Variants in ELP4 observed in about 807,000 individuals in gnomAD.
ELP4 encodes elongator complex protein 4.
ELP4 carries 51 observed loss-of-function variants against 48.9 expected under a neutral mutation model. The observed-to-expected ratio is 1.04, with a 90% CI of 0.83 to 1.32. The LOEUF (loss-of-function observed/expected upper bound fraction) is 1.32, where lower values mean the gene tolerates loss of function less well. Ranked by LOEUF, ELP4 falls within the 40% of genes most tolerant of loss-of-function variation. ELP4 has a pLI of 0.00. For missense variants in ELP4, 519 were observed against 514.6 expected (o/e 1.01, Z -0.08); for synonymous variants, 210 against 189.2 (o/e 1.11, Z -0.90).
intron 4 of ELP4, among the ~76,000 whole-genome samples, chr11:31,596,262 G>A (rs1258215784): frequency 1.3e-5 from 2 of 152,114 alleles, no homozygotes; most frequent in African/African-American, 2.4e-5. Flanking sequence ...AAAATTAGCT[G>A]GGCGTGGTGG....
intron 9 of ELP4, among the ~76,000 whole-genome samples, chr11:31,676,038 A>G (rs184449966): frequency 7.2e-5 from 11 of 151,836 alleles, no homozygotes; most frequent in Admixed American, 4.6e-4. Context: ...TTGATTCTTC[A>G]TCTCACTCAG....
intron 9 of ELP4, chr11:31,714,801 ACT>A (rs1946808031): frequency 2.5e-6 from 1 of 398,152 alleles, no homozygotes; most frequent in Non-Finnish European, 4.4e-6. Context: ...TATGTTACCA[ACT>A]CTCTGGTTTT....
At chr11:31,537,234 T>C (rs1956515523) in intron 2 of ELP4, among the ~76,000 whole-genome samples, 1 of 152,214 alleles carries the variant, frequency 6.6e-6, no homozygotes, top group Non-Finnish European at 1.5e-5. Context: ...CGCTTTTTGT[T>C]GTTTAAATAT....
chr11:31,592,693 A>G (rs1163701851), intron 3 of ELP4, among the ~76,000 whole-genome samples: 1 of 151,684 alleles, frequency 6.6e-6, no homozygotes, highest in African/African-American at 2.4e-5. Context: ...TAAACTTGGA[A>G]TCATTATAAT....
At chr11:31,613,104 C>T (rs1958012625) in intron 5 of ELP4, among the ~76,000 whole-genome samples, 2 of 152,096 alleles carry the variant, frequency 1.3e-5, no homozygotes, top group Admixed American at 1.3e-4. Context: ...GTAAAAACTG[C>T]AGCAATGGCT....
intron 9 of ELP4, among the ~76,000 whole-genome samples, chr11:31,768,839 T>G (rs1948087499): frequency 6.6e-6 from 1 of 152,168 alleles, no homozygotes; most frequent in Non-Finnish European, 1.5e-5. Flanking sequence ...GATTTCCTGT[T>G]ATAGAAGCAG....
chr11:31,683,282 G>C (rs755686839), intron 9 of ELP4, among the ~76,000 whole-genome samples: 3 of 152,052 alleles, frequency 2.0e-5, no homozygotes, highest in Non-Finnish European at 4.4e-5. Flanking sequence ...GGTGTCTTGT[G>C]TAAGCTTGAT....
intron 9 of ELP4, among the ~76,000 whole-genome samples, chr11:31,745,410 C>CA (rs1947563269): frequency 6.6e-6 from 1 of 152,080 alleles, no homozygotes; most frequent in Admixed American, 6.5e-5. Context: ...CATGTGGAAC[C>CA]AAAAAAGAGC....
intron 3 of ELP4, among the ~76,000 whole-genome samples, chr11:31,590,158 A>G (rs944807589): frequency 1.3e-5 from 2 of 152,196 alleles, no homozygotes; most frequent in Admixed American, 6.5e-5. Flanking sequence ...AGGCAATAAT[A>G]ATAGTACCTA....
At chr11:31,710,887 G>T (rs1228580193) in intron 9 of ELP4, among the ~76,000 whole-genome samples, 2 of 152,100 alleles carry the variant, frequency 1.3e-5, no homozygotes, top group African/African-American at 4.8e-5. Context: ...ACTAGAACCC[G>T]TGACTTTAGG....
intron 9 of ELP4, among the ~76,000 whole-genome samples, chr11:31,672,832 GA>G (rs1035737729): frequency 6.6e-6 from 1 of 151,894 alleles, no homozygotes; most frequent in African/African-American, 2.4e-5. Context: ...TTTTTAAAAA[GA>G]AAGTCATAAT....
intron 9 of ELP4, among the ~76,000 whole-genome samples, chr11:31,737,580 C>A (rs935830263): frequency 2.2e-4 from 33 of 152,150 alleles, no homozygotes; most frequent in African/African-American, 7.2e-4. Context: ...AACCATATAT[C>A]TGTTAAGGGA....
intron 3 of ELP4, among the ~76,000 whole-genome samples, chr11:31,570,580 C>T (rs1399366856): frequency 6.7e-6 from 1 of 150,350 alleles, no homozygotes; most frequent in African/African-American, 2.5e-5. Flanking sequence ...CGATTCTCCT[C>T]CCTCAGCCTA....
At chr11:31,706,925 A>T in intron 9 of ELP4, 1 of 397,888 alleles carries the variant, frequency 2.5e-6, no homozygotes, top group Non-Finnish European at 4.4e-6. Context: ...ATTCTTTTTT[A>T]TTGCTAAATA....
At chr11:31,741,869 A>G (rs529146762) in intron 9 of ELP4, among the ~76,000 whole-genome samples, 76 of 152,348 alleles carry the variant, frequency 5.0e-4, no homozygotes, top group African/African-American at 1.7e-3. Flanking sequence ...GCAGCTCCTC[A>G]CCAGCAACGG....
chr11:31,574,654 G>C (rs1957242020), intron 3 of ELP4, among the ~76,000 whole-genome samples: 1 of 152,146 alleles, frequency 6.6e-6, no homozygotes, highest in African/African-American at 2.4e-5. Flanking sequence ...GCCTCCACTG[G>C]TGATACTCAG....
At chr11:31,754,982 T>G (rs1206522494) in intron 9 of ELP4, among the ~76,000 whole-genome samples, 1 of 152,126 alleles carries the variant, frequency 6.6e-6, no homozygotes. Flanking sequence ...AACCAGGGCT[T>G]CAGGAAGAAG....
At chr11:31,739,556 CTAGTACTCTTTA>C (rs1947402002) in intron 9 of ELP4, among the ~76,000 whole-genome samples, 1 of 152,020 alleles carries the variant, frequency 6.6e-6, no homozygotes, top group Admixed American at 6.6e-5. Flanking sequence ...AAAGTACAAT[CTAGTACTCTTTA>C]TAGTTAGGAT....
chr11:31,597,833 C>T (rs1294267228), intron 4 of ELP4, among the ~76,000 whole-genome samples: 1 of 151,982 alleles, frequency 6.6e-6, no homozygotes, highest in South Asian at 2.1e-4. Flanking sequence ...TCCCAAAGTG[C>T]TGGGATTCCA....
Sources: allele counts gnomAD v4.1 joint callset (sites outside exome capture counted in the v4.1 genomes callset), GRCh38; gene constraint gnomAD v4.1.1; transcripts MANE v1.5; gene names NCBI Gene and HGNC (gene_info 2026-07-23, HGNC 2026-07-21).